CBR4: variants seen among roughly 807,000 people sequenced by gnomAD.
CBR4 encodes the protein carbonyl reductase 4, also known as 3-oxoacyl-[acyl-carrier-protein] reductase.
A neutral mutation model predicts 21.0 loss-of-function variants in CBR4; 22 were observed. The ratio of observed to expected loss-of-function variants is 1.05; its 90% CI spans 0.75 to 1.50. CBR4 has a LOEUF of 1.50. CBR4 is among the 40% of genes most tolerant of loss of function. The pLI is 0.00. For synonymous variants in CBR4, 100 were observed against 104.4 expected, an observed-to-expected ratio of 0.96 and a Z score of 0.26; for missense variants, 302 against 286.3, an observed-to-expected ratio of 1.05 and a Z score of -0.40.
At chr4:168,898,304 T>C (rs1052915663) in intron 2 of CBR4, 12 of 619,008 alleles carry the variant, frequency 1.9e-5, no homozygotes, top group Non-Finnish European at 2.9e-5. Flanking sequence ...GAAGACAATC[T>C]GAAATACCAC....
chr4:168,970,659 C>A (rs374210401), intron 2 of CBR4, among the ~76,000 whole-genome samples: 2 of 151,988 alleles, frequency 1.3e-5, no homozygotes. Context: ...CCTGCAAGGC[C>A]CCAGAGTCCA....
At chr4:168,980,401 A>G (rs1269605579) in intron 2 of CBR4, among the ~76,000 whole-genome samples, 1 of 152,220 alleles carries the variant, frequency 6.6e-6, no homozygotes, top group African/African-American at 2.4e-5. Flanking sequence ...CACCAAAAAT[A>G]CTTTGCTAAT....
At position 168,925,002 on chromosome 4, in the gene CBR4, A is replaced by T. The variant is rs1447433925; in HGVS notation, n.170-30237T>A. 8 of 1,614,036 alleles carry T rather than the reference A, an allele frequency of 5.0e-6. No homozygotes were observed. Among genetic ancestry groups the T allele is most frequent in the African/African-American group, 2.7e-5 (2 of 74,930 alleles). On this transcript the variant is annotated intron_variant and non_coding_transcript_variant, in intron 2 of 3. Coordinates refer to the CBR4 transcript ENST00000509108. ...TGCTCATTCAGGGAGCCACAAAAGA[A>T]GATGCTGGGTGGTATACTGTGTCAG...
At chr4:168,973,978 C>T (rs1332831322) in intron 2 of CBR4, among the ~76,000 whole-genome samples, 1 of 151,970 alleles carries the variant, frequency 6.6e-6, no homozygotes, top group East Asian at 1.9e-4. Flanking sequence ...TGCCTGAATA[C>T]CTTGGGCTTT....
At chr4:168,955,342 A>C (rs906329264) in intron 2 of CBR4, among the ~76,000 whole-genome samples, 3 of 152,220 alleles carry the variant, frequency 2.0e-5, no homozygotes, top group Non-Finnish European at 4.4e-5. Flanking sequence ...TCTCTTTGAG[A>C]AATAGGAAAT....
At chr4:168,956,487 A>G (rs986650659) in intron 2 of CBR4, among the ~76,000 whole-genome samples, 2 of 148,368 alleles carry the variant, frequency 1.3e-5, no homozygotes, top group African/African-American at 4.9e-5. Context: ...AGTCCCAGCT[A>G]TGTAGGAGGC....
chr4:168,913,517 T>G (rs949415292), intron 2 of CBR4, among the ~76,000 whole-genome samples: 3 of 152,144 alleles, frequency 2.0e-5, no homozygotes, highest in African/African-American at 4.8e-5. Flanking sequence ...AGGTTTGATT[T>G]CAGAATTGGC....
At chr4:169,009,502 T>G (rs924761565) in intron 1 of CBR4, among the ~76,000 whole-genome samples, 3 of 152,230 alleles carry the variant, frequency 2.0e-5, no homozygotes, top group African/African-American at 7.2e-5. Context: ...AGGGAGCCGT[T>G]GGTACCTGCA....
chr4:168,948,881 G>T (rs1763466050), intron 2 of CBR4, among the ~76,000 whole-genome samples: 1 of 152,124 alleles, frequency 6.6e-6, no homozygotes, highest in Non-Finnish European at 1.5e-5. Context: ...TTTTAGAATT[G>T]TTTTTTCTAA....
At chr4:168,927,073 C>CTAAT (rs1390890351) in intron 2 of CBR4, 4 of 220,326 alleles carry the variant, frequency 1.8e-5, no homozygotes, top group Non-Finnish European at 3.6e-5. Context: ...TATTAAAAGG[C>CTAAT]TAATTTAAAT....
At chr4:169,002,981 A>G (rs1730585899) in intron 3 of CBR4, among the ~76,000 whole-genome samples, 1 of 152,140 alleles carries the variant, frequency 6.6e-6, no homozygotes, top group African/African-American at 2.4e-5. Context: ...ACAAAATATT[A>G]CTGCTCACTG....
chr4:168,915,800 T>C, intron 2 of CBR4: 1 of 937,640 alleles, frequency 1.1e-6, no homozygotes, highest in East Asian at 2.5e-5. Flanking sequence ...GAAATCATAT[T>C]ATTACCCCAT....
At chr4:169,005,347 A>T (rs9784403) in intron 3 of CBR4, 23,171 of 152,472 alleles carry the variant, frequency 0.15, 1,956 homozygotes, top group African/African-American at 0.22. Context: ...GGCTTTTAAA[A>T]GAAAAAAAAA....
intron 2 of CBR4, among the ~76,000 whole-genome samples, chr4:168,916,702 GAC>G (rs1760186077): frequency 1.2e-5 from 1 of 86,800 alleles, no homozygotes; most frequent in African/African-American, 3.5e-5. Context: ...TTTTTTTTGA[GAC>G]AGAGTCTCAC....
intron 2 of CBR4, among the ~76,000 whole-genome samples, chr4:168,924,052 G>A (rs185694778): frequency 6.6e-6 from 1 of 152,322 alleles, no homozygotes; most frequent in East Asian, 1.9e-4. Context: ...TGAATTAATT[G>A]AGGAAATAAA....
At chr4:168,947,037 C>T (rs1763412919) in intron 2 of CBR4, among the ~76,000 whole-genome samples, 1 of 152,108 alleles carries the variant, frequency 6.6e-6, no homozygotes, top group Non-Finnish European at 1.5e-5. Flanking sequence ...TTGAAATTAT[C>T]ATCCTCAAGA....
At chr4:168,901,942 T>C (rs1756617400) in intron 2 of CBR4, among the ~76,000 whole-genome samples, 1 of 152,224 alleles carries the variant, frequency 6.6e-6, no homozygotes, top group East Asian at 1.9e-4. Context: ...CTCAAAGTTA[T>C]TAGTCTAGTT....
chr4:168,958,194 G>A (rs776788610), intron 2 of CBR4, among the ~76,000 whole-genome samples: 18 of 151,962 alleles, frequency 1.2e-4, no homozygotes, highest in African/African-American at 2.4e-4. Flanking sequence ...AACCCAAGAG[G>A]CGGAGGTTGC....
At chr4:168,981,937 C>G (rs1045193453) in intron 2 of CBR4, among the ~76,000 whole-genome samples, 1 of 152,136 alleles carries the variant, frequency 6.6e-6, no homozygotes, top group Admixed American at 6.5e-5. Flanking sequence ...AATGAAAGAC[C>G]ATTACTGATC....
Sources: gnomAD v4.1 joint callset for allele counts (sites outside exome capture counted in the v4.1 genomes callset) on GRCh38, gnomAD v4.1.1 for gene constraint, MANE v1.5 for transcripts, NCBI Gene and HGNC (gene_info 2026-07-23, HGNC 2026-07-21) for gene names.